CRYZL1: variants seen among roughly 807,000 people sequenced by gnomAD.
CRYZL1 encodes the protein ferry endosomal RAB5 effector complex subunit 4.
Under a neutral mutation model 50.6 loss-of-function variants are expected in CRYZL1, and 34 were observed. The ratio of observed to expected loss-of-function variants is 0.67; its 90% CI spans 0.51 to 0.89. The LOEUF is 0.89. CRYZL1 is among the 40% of genes least tolerant of loss of function. The pLI is 0.00. For missense variants in CRYZL1, 354 were observed against 402.3 expected, an observed-to-expected ratio of 0.88 and a Z score of 1.03; for synonymous variants, 125 against 134.3, an observed-to-expected ratio of 0.93 and a Z score of 0.48.
intron 4 of CRYZL1, among the ~76,000 whole-genome samples, chr21:33,620,684 C>G (rs545977468): frequency 2.0e-5 from 3 of 151,698 alleles, no homozygotes; most frequent in Non-Finnish European, 4.4e-5. Context: ...TGGTGATGAG[C>G]GCCTGTAGCC....
intron 6 of CRYZL1, among the ~76,000 whole-genome samples, chr21:33,606,871 C>T (rs1294595166): frequency 2.0e-5 from 3 of 151,828 alleles, no homozygotes; most frequent in Non-Finnish European, 1.5e-5. Flanking sequence ...ATTAGTCAGG[C>T]GTGGTGGCGC....
intron 5 of CRYZL1, chr21:33,616,451 C>T (rs996755956): frequency 1.3e-5 from 5 of 389,510 alleles, no homozygotes; most frequent in African/African-American, 4.2e-5. Flanking sequence ...TGCCACCATG[C>T]CTGGCTAATT....
chr21:33,621,391 G>A lies in CRYZL1; in HGVS notation c.217+605C>T, dbSNP rs186714805. ...AGTCTCGCACTTGTCGCCCAGGCTG[G>A]AGTGCAGTGGCGCCATCTCGGCTCA... On this transcript the variant is annotated intron_variant, in intron 4 of 12. Transcript: ENST00000381554. 4.9e-3 allele frequency among the ~76,000 whole-genome samples: 745 copies of A among 151,130 alleles called. 7 individuals are homozygous for A. The highest frequency in any genetic ancestry group is 9.4e-3 in the Non-Finnish European group (635 of 67,856).
chr21:33,604,035 G>A (rs759994741), intron 6 of CRYZL1, among the ~76,000 whole-genome samples: 19 of 151,654 alleles, frequency 1.3e-4, no homozygotes, highest in Admixed American at 5.9e-4. Context: ...GGCAGATCAC[G>A]AGGTCAGGAG....
At chr21:33,630,537 G>T (rs931660961) in intron 2 of CRYZL1, among the ~76,000 whole-genome samples, 5 of 151,816 alleles carry the variant, frequency 3.3e-5, no homozygotes, top group African/African-American at 1.2e-4. Flanking sequence ...AGTGAGGTGG[G>T]ATGGCACCAC....
intron 1 of CRYZL1, 86 bp downstream of exon 1, chr21:33,641,595 G>C (rs2087344221): frequency 3.4e-6 from 1 of 297,924 alleles, no homozygotes. Context: ...ATCCTCCCCA[G>C]GGCTGCACGG....
chr21:33,625,432 G>A (rs910642102), intron 2 of CRYZL1, among the ~76,000 whole-genome samples: 1 of 151,716 alleles, frequency 6.6e-6, no homozygotes, highest in African/African-American at 2.4e-5. Context: ...TGGGATTATA[G>A]GAGTGAGCCA....
intron 2 of CRYZL1, 146 bp from the exon 3 acceptor site, chr21:33,624,906 T>C (rs1465856991): frequency 2.7e-6 from 3 of 1,121,740 alleles, no homozygotes; most frequent in Non-Finnish European, 3.5e-6. Flanking sequence ...TATAAGTAAT[T>C]ATAGAAATGT....
At chr21:33,602,193 A>G in intron 8 of CRYZL1, 41 bp downstream of exon 8, 1 of 1,119,388 alleles carries the variant, frequency 8.9e-7, no homozygotes, top group Non-Finnish European at 1.4e-6. Flanking sequence ...TTTTCCTTCA[A>G]AATTTCCTGT....
intron 9 of CRYZL1, among the ~76,000 whole-genome samples, chr21:33,598,747 A>T (rs8128275): frequency 0.71 from 107,105 of 151,858 alleles, 37,860 homozygotes; most frequent in African/African-American, 0.77. Flanking sequence ...CCAGGATGGC[A>T]TTAAATGCTG....
chr21:33,613,553 G>GT lies in CRYZL1; in HGVS notation c.315dup (p.His106ThrfsTer2). 6.2e-7 allele frequency: 1 copy of GT among 1,611,350 alleles called. No individual in the cohort carries two copies. Among genetic ancestry groups the GT allele is most frequent in the Non-Finnish European group, 8.5e-7 (1 of 1,177,542 alleles). On this transcript the variant is annotated frameshift_variant, in exon 6 of 13. Coordinates refer to ENST00000381554, the MANE Select transcript of CRYZL1 (RefSeq NM_145858.3). LOFTEE classifies it high-confidence loss of function. ...TGCTACATACCCAAGTAATGCTCAT[G>GT]TACTCTAACAACTTCACAAAGTCCA...
chr21:33,600,259 A>G (rs1189997665), intron 8 of CRYZL1, among the ~76,000 whole-genome samples: 1 of 152,192 alleles, frequency 6.6e-6, no homozygotes, highest in Non-Finnish European at 1.5e-5. Context: ...GCTAAGGAAA[A>G]GGAGCATGAT....
intron 2 of CRYZL1, 133 bp from the exon 3 acceptor site, chr21:33,624,893 A>T (rs2087042928): frequency 8.2e-7 from 1 of 1,219,170 alleles, no homozygotes; most frequent in African/African-American, 1.6e-5. Context: ...TAATTTTAAC[A>T]ACTATAAGTA....
rs776393357 is a variant in CRYZL1 at position 33,613,552 on chromosome 21, T to G, written c.317A>C (p.His106Pro). 33 of 1,611,564 alleles carry G rather than the reference T, an allele frequency of 2.0e-5. No individual in the cohort carries two copies. The South Asian group carries it at 3.6e-4, about 18-fold the overall frequency. The change falls in exon 6 of 13, where the codon CAT becomes CCT. Residue 106 changes from histidine to proline, a missense_variant. Physicochemically the swap from His to Pro is moderately conservative, Grantham distance 77 (BLOSUM62 -2). Coordinates refer to ENST00000381554, the MANE Select transcript of CRYZL1 (RefSeq NM_145858.3). ...TTGCTACATACCCAAGTAATGCTCA[T>G]GTACTCTAACAACTTCACAAAGTCC... ...DPGLCEVVRV[H>P]EHYLVHKPEK...
chr21:33,599,335 T>C (rs1313316742), intron 8 of CRYZL1, 87 bp from the exon 9 acceptor site: 3 of 1,534,424 alleles, frequency 2.0e-6, no homozygotes, highest in Admixed American at 1.8e-5. Context: ...GAAAAGCAAA[T>C]AAATATCTAT....
At chr21:33,629,715 C>T (rs1402759346) in intron 2 of CRYZL1, among the ~76,000 whole-genome samples, 2 of 152,206 alleles carry the variant, frequency 1.3e-5, no homozygotes, top group African/African-American at 2.4e-5. Context: ...AATTCGAATG[C>T]TCTTTCTTTC....
intron 4 of CRYZL1, among the ~76,000 whole-genome samples, chr21:33,618,288 CAAAAA>C (rs35810127): frequency 4.1e-4 from 37 of 91,274 alleles, no homozygotes; most frequent in African/African-American, 1.6e-3. Context: ...GACTCCGTCT[CAAAAA>C]AAAAAAAAAA....
intron 1 of CRYZL1, among the ~76,000 whole-genome samples, chr21:33,632,675 G>A (rs1874289962): frequency 6.6e-6 from 1 of 152,162 alleles, no homozygotes; most frequent in Admixed American, 6.5e-5. Flanking sequence ...ACCGCGCCCG[G>A]CTCTGTGAAC....
At chr21:33,608,055 A>T (rs950073171) in intron 6 of CRYZL1, among the ~76,000 whole-genome samples, 87 of 152,364 alleles carry the variant, frequency 5.7e-4, no homozygotes, top group African/African-American at 2.0e-3. Context: ...AATACTTAAC[A>T]TATTTTATGA....
Sources: gnomAD v4.1 joint callset for allele counts (sites outside exome capture counted in the v4.1 genomes callset) on GRCh38, gnomAD v4.1.1 for gene constraint, MANE v1.5 for transcripts, NCBI Gene and HGNC (gene_info 2026-07-23, HGNC 2026-07-21) for gene names.